TRIQK: variants seen among roughly 807,000 people sequenced by gnomAD.
TRIQK encodes triple QxxK/R motif containing, also known as triple QxxK/R motif-containing protein.
In TRIQK, 10 loss-of-function variants were observed where a neutral mutation model predicts 10.8. The observed-to-expected ratio is 0.92, with a 90% CI of 0.57 to 1.57. The LOEUF (loss-of-function observed/expected upper bound fraction) is 1.57, where lower values mean the gene tolerates loss of function less well. Ranked by LOEUF, TRIQK falls within the 40% of genes most tolerant of loss-of-function variation. The pLI is 0.00. For synonymous variants in TRIQK, 33 were observed against 33.7 expected, an observed-to-expected ratio of 0.98 and a Z score of 0.07; for missense variants, 107 against 97.7, an observed-to-expected ratio of 1.09 and a Z score of -0.40.
chr8:92,921,880 A>T (rs1204350854), intron 2 of TRIQK, among the ~76,000 whole-genome samples: 3 of 151,842 alleles, frequency 2.0e-5, no homozygotes, highest in Non-Finnish European at 4.4e-5. Context: ...TGTATTGTTT[A>T]TCTATATATA....
chr8:92,950,986 C>G (rs900521047), intron 2 of TRIQK, among the ~76,000 whole-genome samples: 2 of 152,060 alleles, frequency 1.3e-5, no homozygotes, highest in East Asian at 3.8e-4. Context: ...GTAGCATTTG[C>G]ATTAACCTAT....
chr8:93,012,586 T>C (rs1469776316), intron 1 of TRIQK, among the ~76,000 whole-genome samples: 1 of 152,178 alleles, frequency 6.6e-6, no homozygotes, highest in African/African-American at 2.4e-5. Context: ...TTCTTTAATT[T>C]TAAAGCAAAA....
chr8:92,942,290 A>C (rs1268041978), intron 2 of TRIQK, among the ~76,000 whole-genome samples: 1 of 152,232 alleles, frequency 6.6e-6, no homozygotes, highest in African/African-American at 2.4e-5. Context: ...ATGAATGACA[A>C]AATCCACATG....
At chr8:92,911,519 T>A (rs1427329919) in intron 3 of TRIQK, among the ~76,000 whole-genome samples, 1 of 151,568 alleles carries the variant, frequency 6.6e-6, no homozygotes, top group Non-Finnish European at 1.5e-5. Flanking sequence ...AGTTATATGC[T>A]GTCTATAAAA....
chr8:92,936,835 T>G (rs1811011699), intron 2 of TRIQK, among the ~76,000 whole-genome samples: 1 of 151,814 alleles, frequency 6.6e-6, no homozygotes. Context: ...TATATAAAAT[T>G]CTAATTTAGT....
intron 2 of TRIQK, among the ~76,000 whole-genome samples, chr8:92,949,192 G>T (rs1371868164): frequency 1.3e-5 from 2 of 152,100 alleles, no homozygotes; most frequent in Non-Finnish European, 2.9e-5. Flanking sequence ...AATTAAACTT[G>T]TTAAATTTAA....
At chr8:92,887,012 T>C in intron 4 of TRIQK, 1 of 203,228 alleles carries the variant, frequency 4.9e-6, no homozygotes, top group Non-Finnish European at 9.9e-6. Flanking sequence ...AAATGTATCA[T>C]TTTAATATAT....
chr8:92,944,269 G>A (rs1337930017), intron 2 of TRIQK, among the ~76,000 whole-genome samples: 1 of 145,368 alleles, frequency 6.9e-6, no homozygotes, highest in Non-Finnish European at 1.5e-5. Context: ...ATGTAAATTA[G>A]TACAGCCATT....
chr8:92,916,855 T>G, intron 3 of TRIQK, 74 bp downstream of exon 3: 1 of 1,115,772 alleles, frequency 9.0e-7, no homozygotes, highest in Non-Finnish European at 1.2e-6. Flanking sequence ...TAGAGAAAAT[T>G]TATTTTCTTA....
chr8:92,898,833 G>GTATATATATA (rs67063066), intron 3 of TRIQK, among the ~76,000 whole-genome samples: 1,043 of 73,802 alleles, frequency 0.014, 31 homozygotes, highest in African/African-American at 0.017. Context: ...GTGTGTGTGT[G>GTATATATATA]TATATATATA....
chr8:92,945,561 T>C (rs553814314), intron 2 of TRIQK, among the ~76,000 whole-genome samples: 1 of 152,352 alleles, frequency 6.6e-6, no homozygotes, highest in Non-Finnish European at 1.5e-5. Flanking sequence ...GTACAGCCTG[T>C]CTGTAGATGC....
At chr8:92,941,800 C>CA (rs1811283439) in intron 2 of TRIQK, among the ~76,000 whole-genome samples, 1 of 152,086 alleles carries the variant, frequency 6.6e-6, no homozygotes, top group Middle Eastern at 3.4e-3. Context: ...TAATTATGAA[C>CA]AAGTGTATGA....
chr8:92,967,269 A>T (rs1200882163), upstream of TRIQK, among the ~76,000 whole-genome samples: 2 of 151,626 alleles, frequency 1.3e-5, no homozygotes, highest in African/African-American at 4.8e-5. Context: ...ATCTTGTCTG[A>T]TAGATACGGT....
chr8:93,015,308 C>T (rs948498604), intron 1 of TRIQK, among the ~76,000 whole-genome samples: 7 of 151,774 alleles, frequency 4.6e-5, no homozygotes, highest in African/African-American at 1.7e-4. Context: ...TAACATATAA[C>T]CAAAGTAATA....
At chr8:93,011,205 C>CATATATAT (rs373752738) in intron 1 of TRIQK, among the ~76,000 whole-genome samples, 12 of 121,588 alleles carry the variant, frequency 9.9e-5, no homozygotes, top group Middle Eastern at 4.3e-3. Context: ...CACACACACA[C>CATATATAT]ATATATATAT....
intron 3 of TRIQK, 124 bp downstream of exon 3, chr8:92,916,805 A>C (rs1809877611): frequency 1.6e-6 from 1 of 620,556 alleles, no homozygotes; most frequent in African/African-American, 1.9e-5. Context: ...AACTCTATAA[A>C]GTCCTTTTTC....
At position 92,992,820 on chromosome 8, in the gene TRIQK, A is replaced by T. The variant is rs576291081; in HGVS notation, c.-181+24789T>A. Among the ~76,000 whole-genome samples, 554 of 152,322 alleles carry T rather than the reference A, an allele frequency of 3.6e-3. 2 individuals are homozygous for T. The highest frequency in any genetic ancestry group is 5.9e-3 in the Non-Finnish European group (400 of 68,028). ...GGCACCCCAGAACCCTCATTAAGCC[A>T]AAGAAGAGCACCCCATTGTTGGAAG... On this transcript the variant is annotated intron_variant, in intron 1 of 4. Coordinates refer to the TRIQK transcript ENST00000520686.
chr8:92,999,794 GA>G (rs1456201911), intron 1 of TRIQK, among the ~76,000 whole-genome samples: 1 of 152,084 alleles, frequency 6.6e-6, no homozygotes, highest in Non-Finnish European at 1.5e-5. Flanking sequence ...TGTATTTGAT[GA>G]GAGTAATTTT....
chr8:92,959,311 A>G (rs183601836), intron 1 of TRIQK, among the ~76,000 whole-genome samples: 3 of 152,174 alleles, frequency 2.0e-5, no homozygotes, highest in Admixed American at 1.3e-4. Flanking sequence ...TCTGGCATAA[A>G]TGAGTCAGAA....
Sources: gnomAD v4.1 joint callset for allele counts (sites outside exome capture counted in the v4.1 genomes callset) on GRCh38, gnomAD v4.1.1 for gene constraint, MANE v1.5 for transcripts, NCBI Gene and HGNC (gene_info 2026-07-23, HGNC 2026-07-21) for gene names.